Variants in CTNNA3 observed in about 807,000 individuals in gnomAD.
CTNNA3 encodes catenin alpha-3.
Under a neutral mutation model 95.7 loss-of-function variants are expected in CTNNA3, and 76 were observed. The observed-to-expected ratio is 0.79, with a 90% CI of 0.66 to 0.96. The LOEUF (loss-of-function observed/expected upper bound fraction) is 0.96. Among genes scored for constraint, CTNNA3 ranks in the 40% least tolerant of loss-of-function variants. The pLI is 0.00. For synonymous variants in CTNNA3, 431 were observed against 374.4 expected (o/e 1.15, Z -1.74); for missense variants, 1,191 against 1,089.8 (o/e 1.09, Z -1.31).
intron 10 of CTNNA3, among the ~76,000 whole-genome samples, chr10:66,604,923 C>A (rs1388929270): frequency 6.6e-6 from 1 of 152,022 alleles, no homozygotes; most frequent in African/African-American, 2.4e-5. Flanking sequence ...AAAATGACCA[C>A]ATCACCTCTC....
chr10:67,745,101 C>T (rs577842668), intron 1 of CTNNA3, among the ~76,000 whole-genome samples: 11 of 152,118 alleles, frequency 7.2e-5, no homozygotes, highest in South Asian at 6.2e-4. Flanking sequence ...GTCAGTGTGG[C>T]GATTCCTCAG....
intron 12 of CTNNA3, among the ~76,000 whole-genome samples, chr10:66,325,379 T>A (rs548438384): frequency 4.3e-4 from 65 of 152,170 alleles, no homozygotes; most frequent in African/African-American, 1.5e-3. Flanking sequence ...CAAGATGAGT[T>A]GTTCATATCT....
intron 13 of CTNNA3, among the ~76,000 whole-genome samples, chr10:66,106,075 C>T (rs1340426299): frequency 6.6e-6 from 1 of 151,938 alleles, no homozygotes; most frequent in African/African-American, 2.4e-5. Context: ...GGCGTGGTGG[C>T]ACATGCCTGT....
In CTNNA3 at chr10:67,215,957, T is replaced by C. The variant is rs190184941; in HGVS notation, c.843+3650A>G. ...TGCTTTTTGTATCAGCCTCAAATAA[T>C]TTCCATAATTCAGTTATCAGATTAT... On this transcript the variant is annotated intron_variant, in intron 6 of 17. Transcript: ENST00000433211. Among the ~76,000 whole-genome samples the C allele has an allele frequency of 2.7e-3, 408 of 151,990 alleles. 1 individual carries two copies. Among genetic ancestry groups the C allele is most frequent in the African/African-American group, 9.1e-3 (377 of 41,510 alleles).
intron 12 of CTNNA3, among the ~76,000 whole-genome samples, chr10:66,348,775 T>C (rs1005036168): frequency 1.3e-5 from 2 of 152,118 alleles, no homozygotes; most frequent in African/African-American, 4.8e-5. Flanking sequence ...TACCAGAATC[T>C]GACTTGAATA....
intron 7 of CTNNA3, among the ~76,000 whole-genome samples, chr10:67,063,468 G>T (rs1855882465): frequency 6.6e-6 from 1 of 152,116 alleles, no homozygotes; most frequent in African/African-American, 2.4e-5. Context: ...CAACAGTGAG[G>T]CAGGGTCAAG....
At chr10:66,260,132 C>T (rs983493454) in intron 13 of CTNNA3, among the ~76,000 whole-genome samples, 3 of 152,092 alleles carry the variant, frequency 2.0e-5, no homozygotes, top group African/African-American at 7.2e-5. Flanking sequence ...TACTGATCCA[C>T]CAGGAGAACA....
At chr10:66,847,680 A>G (rs1843331975) in intron 7 of CTNNA3, among the ~76,000 whole-genome samples, 1 of 152,140 alleles carries the variant, frequency 6.6e-6, no homozygotes, top group African/African-American at 2.4e-5. Flanking sequence ...TTTCTTATTT[A>G]TTTACCTTAG....
At chr10:67,331,814 C>T (rs1245389996) in intron 5 of CTNNA3, among the ~76,000 whole-genome samples, 1 of 152,150 alleles carries the variant, frequency 6.6e-6, no homozygotes, top group African/African-American at 2.4e-5. Flanking sequence ...ACTGAATTCA[C>T]CCAGTGAAGA....
Position 65,915,060 on chromosome 10 carries a change from T to A in CTNNA3, c.*5270A>T, listed in dbSNP as rs974565313. The A allele has an allele frequency of 6.6e-6, 1 of 152,080 alleles. No individual in the cohort carries two copies. The highest frequency in any genetic ancestry group is 1.9e-4 in the East Asian group (1 of 5,184). 9.4% of individuals were successfully genotyped at this position (152,080 alleles called of 1,614,324 possible). On this transcript the variant is annotated 3_prime_UTR_variant, in exon 18 of 18. Transcript: ENST00000433211. ...CAGAGCTGGCACATGAGGGCAAGGATCACTATTTGTTTTGTTATATGGTGT... is the reference window on the plus strand; with the variant it reads ...CAGAGCTGGCACATGAGGGCAAGGAACACTATTTGTTTTGTTATATGGTGT...
chr10:66,185,733 TTGTC>T (rs1249021897), intron 13 of CTNNA3, among the ~76,000 whole-genome samples: 2 of 151,954 alleles, frequency 1.3e-5, no homozygotes, highest in African/African-American at 2.4e-5. Context: ...TAAAAAAAGT[TTGTC>T]TGAAGTTTAC....
intron 7 of CTNNA3, among the ~76,000 whole-genome samples, chr10:67,119,963 A>G (rs1589760690): frequency 6.6e-6 from 1 of 151,926 alleles, no homozygotes; most frequent in Admixed American, 6.6e-5. Context: ...AAATAACCAA[A>G]TAGTGTTTCT....
chr10:66,294,701 A>G (rs1200220546), intron 12 of CTNNA3, among the ~76,000 whole-genome samples: 1 of 152,144 alleles, frequency 6.6e-6, no homozygotes, highest in Non-Finnish European at 1.5e-5. Flanking sequence ...CAGGGAGGTA[A>G]TGCAAAGGAA....
intron 10 of CTNNA3, among the ~76,000 whole-genome samples, chr10:66,590,731 A>C (rs990581965): frequency 6.6e-6 from 1 of 152,082 alleles, no homozygotes; most frequent in African/African-American, 2.4e-5. Context: ...TAGAGGGAGA[A>C]AAAATACTTT....
intron 7 of CTNNA3, chr10:67,099,012 A>G (rs1858175834): frequency 6.6e-6 from 1 of 151,886 alleles, no homozygotes; most frequent in Non-Finnish European, 1.5e-5. Flanking sequence ...CTCATTCAAT[A>G]TAGATATGAG....
chr10:66,676,170 T>TG (rs1846847141), intron 9 of CTNNA3, among the ~76,000 whole-genome samples: 1 of 111,892 alleles, frequency 8.9e-6, no homozygotes, highest in Admixed American at 7.9e-5. Flanking sequence ...TGAAATGGAC[T>TG]GGGGGAAAAA....
At chr10:66,811,215 G>A (rs1841861926) in intron 7 of CTNNA3, among the ~76,000 whole-genome samples, 1 of 152,184 alleles carries the variant, frequency 6.6e-6, no homozygotes, top group Admixed American at 6.5e-5. Context: ...GGCAACCAGT[G>A]TGGTGAGGGC....
intron 5 of CTNNA3, among the ~76,000 whole-genome samples, chr10:67,490,761 G>T (rs1848616779): frequency 6.6e-6 from 1 of 152,144 alleles, no homozygotes; most frequent in Non-Finnish European, 1.5e-5. Context: ...TGAGTATGTG[G>T]GGCTCTAAGA....
At chr10:66,067,299 G>C (rs918561606) in intron 15 of CTNNA3, among the ~76,000 whole-genome samples, 1 of 152,086 alleles carries the variant, frequency 6.6e-6, no homozygotes, top group Non-Finnish European at 1.5e-5. Context: ...ATATTCCAGC[G>C]AGGGTCTTGC....
Sources: gnomAD v4.1 joint callset for allele counts (sites outside exome capture counted in the v4.1 genomes callset) on GRCh38, gnomAD v4.1.1 for gene constraint, MANE v1.5 for transcripts, NCBI Gene and HGNC (gene_info 2026-07-23, HGNC 2026-07-21) for gene names.